Variants in KCNC2 observed in about 807,000 individuals in gnomAD.
KCNC2 encodes the protein voltage-gated potassium channel KCNC2.
In KCNC2, 21 loss-of-function variants were observed where a neutral mutation model predicts 44.5. The ratio of observed to expected loss-of-function variants is 0.47; its 90% confidence interval spans 0.33 to 0.68. The LOEUF is 0.68. Among genes scored for constraint, KCNC2 ranks in the 30% least tolerant of loss-of-function variants. The probability of loss-of-function intolerance (pLI) is 0.01; values close to 1 mark genes in which losing one functional copy is unlikely to be tolerated. For synonymous variants in KCNC2, 391 were observed against 339.1 expected, an observed-to-expected ratio of 1.15 and a Z score of -1.68; for missense variants, 589 against 826.2, an observed-to-expected ratio of 0.71 and a Z score of 3.52.
chr12:75,043,166 G>A lies in KCNC2; in HGVS notation c.1856C>T (p.Ser619Leu). ...CAGAGGACAAGGAGAGTTGTAGGGT[G>A]ATGTTACTGGAGAGAGCCTCAGAGC... ...GNALRLSPVT[S>L]PYNSPCPLRR... The change falls in exon 5 of 5, where the codon TCA (serine) becomes TTA (leucine). Residue 619 changes from serine to leucine, a missense_variant. By Grantham distance (145) the Ser-to-Leu change is moderately radical (BLOSUM62 -2). Coordinates refer to ENST00000549446, the MANE Select transcript of KCNC2 (RefSeq NM_139137.4). The A allele has an allele frequency of 6.2e-7, 1 of 1,612,556 alleles. No individual in the cohort carries two copies. Among genetic ancestry groups the A allele is most frequent in the East Asian group, 2.2e-5 (1 of 44,812 alleles).
At chr12:75,186,695 C>A (rs985796489) in intron 2 of KCNC2, among the ~76,000 whole-genome samples, 10 of 152,178 alleles carry the variant, frequency 6.6e-5, no homozygotes, top group African/African-American at 2.2e-4. Context: ...CAGCAGACTT[C>A]CCCTTGATTG....
chr12:75,093,136 C>A (rs571287947), intron 2 of KCNC2, among the ~76,000 whole-genome samples: 3 of 151,114 alleles, frequency 2.0e-5, no homozygotes, highest in African/African-American at 7.3e-5. Flanking sequence ...TTAATCAATT[C>A]ATGATTCATA....
At chr12:75,113,745 T>A (rs1234410606) in intron 2 of KCNC2, among the ~76,000 whole-genome samples, 1 of 152,050 alleles carries the variant, frequency 6.6e-6, no homozygotes, top group African/African-American at 2.4e-5. Flanking sequence ...AACAGGGGAG[T>A]AGAACCTCTT....
chr12:75,115,108 C>T (rs1887562244), intron 2 of KCNC2, among the ~76,000 whole-genome samples: 1 of 151,906 alleles, frequency 6.6e-6, no homozygotes, highest in African/African-American at 2.4e-5. Context: ...CGTGATCCAC[C>T]CGCCTGGGCC....
At chr12:75,192,601 C>T (rs1388635209) in intron 2 of KCNC2, among the ~76,000 whole-genome samples, 3 of 152,112 alleles carry the variant, frequency 2.0e-5, no homozygotes, top group Non-Finnish European at 1.5e-5. Flanking sequence ...GTCTAAAAAG[C>T]TTCTTATGGC....
chr12:75,084,257 T>C (rs1239388765), intron 2 of KCNC2, among the ~76,000 whole-genome samples: 1 of 97,598 alleles, frequency 1.0e-5, no homozygotes, highest in East Asian at 2.8e-4. Context: ...ATGATGATGA[T>C]AGATAGATAG....
rs12315332 is a variant in KCNC2, at chr12:75,041,027, G to A, written c.*2078C>T. 4,368 of 1,205,296 alleles carry A rather than the reference G, an allele frequency of 3.6e-3. 98 individuals carry two copies. The African/African-American group carries it at 0.051, about 14-fold the overall frequency. 74.7% of individuals were successfully genotyped at this position (1,205,296 alleles called of 1,614,324 possible). On this transcript the variant is annotated 3_prime_UTR_variant, in exon 5 of 5. Coordinates refer to ENST00000549446, the MANE Select transcript of KCNC2 (RefSeq NM_139137.4). ...GGGGAGCACCAGATGAGTTCCAGCCGCAGTTCTTTTATAAGCTTTAAGTGC... is the reference window on the plus strand; with the variant it reads ...GGGGAGCACCAGATGAGTTCCAGCCACAGTTCTTTTATAAGCTTTAAGTGC...
chr12:75,072,614 G>C (rs1883529527), intron 2 of KCNC2, among the ~76,000 whole-genome samples: 1 of 151,482 alleles, frequency 6.6e-6, no homozygotes, highest in Non-Finnish European at 1.5e-5. Context: ...AAAAGAAAAA[G>C]AAAAATCAAG....
chr12:75,129,025 T>A (rs1017876365), intron 2 of KCNC2, among the ~76,000 whole-genome samples: 8 of 152,194 alleles, frequency 5.3e-5, no homozygotes, highest in Non-Finnish European at 1.2e-4. Context: ...AAATAGCCAT[T>A]TAAAGCATGG....
intron 2 of KCNC2, among the ~76,000 whole-genome samples, chr12:75,113,350 T>G (rs1215030213): frequency 6.6e-6 from 1 of 152,164 alleles, no homozygotes; most frequent in Admixed American, 6.5e-5. Context: ...AAAGCTGAAT[T>G]CTCAACCTTG....
At chr12:75,165,757 A>T (rs1891407988) in intron 2 of KCNC2, among the ~76,000 whole-genome samples, 1 of 151,500 alleles carries the variant, frequency 6.6e-6, no homozygotes, top group Non-Finnish European at 1.5e-5. Flanking sequence ...TAAATTGTAT[A>T]TAGATGTTGA....
At position 75,050,382 on chromosome 12, in the gene KCNC2, T is replaced by C. The variant is rs898800620; in HGVS notation, c.1615+8A>G. On this transcript the variant is annotated splice_region_variant and intron_variant, in intron 3 of 4. Coordinates refer to ENST00000549446, the MANE Select transcript of KCNC2 (RefSeq NM_139137.4). The stretch of plus-strand genomic sequence containing the variant: ...ATTTAATAACATGCATTTGAAGTCC[T>C]GCCTTACCTGATCTGTTATGTTCCA... 6.3e-7 allele frequency: 1 copy of C among 1,586,230 alleles called. No homozygotes were observed. Among genetic ancestry groups the C allele is most frequent in the Admixed American group, 1.7e-5 (1 of 57,514 alleles).
intron 2 of KCNC2, among the ~76,000 whole-genome samples, chr12:75,058,420 G>C (rs1234404049): frequency 6.6e-6 from 1 of 151,842 alleles, no homozygotes; most frequent in Non-Finnish European, 1.5e-5. Context: ...TAGTGTTATA[G>C]AGTCACATTA....
chr12:75,208,149 G>T, intron 1 of KCNC2, 147 bp from the exon 2 acceptor site: 1 of 802,238 alleles, frequency 1.2e-6, no homozygotes, highest in South Asian at 1.8e-5. Context: ...GGGGATCAGC[G>T]TCCAGCGCTG....
Position 75,207,936 on chromosome 12 carries a change from G to A in KCNC2, c.48C>T (p.Gly16=), listed in dbSNP as rs1397601973. The stretch of plus-strand genomic sequence containing the variant: ...TGCTGCGGTAGGTTTCGTGCCGGGT[G>A]CCCCCGACATTGAGGATCACCCTCT... ...NNERVILNVG[G]TRHETYRSTL... The change falls in exon 2 of 5, where the codon GGC becomes GGT. Residue 16 remains glycine, a synonymous_variant. Coordinates refer to ENST00000549446, the MANE Select transcript of KCNC2 (RefSeq NM_139137.4). This position sits in a 1 kb window ranked among gnomAD's most constrained non-coding sequence, Gnocchi z 4.1. 1 of 1,612,746 alleles carries A rather than the reference G, an allele frequency of 6.2e-7. No homozygotes were observed.
At chr12:75,140,054 A>T (rs1045348921) in intron 2 of KCNC2, 23 of 152,174 alleles carry the variant, frequency 1.5e-4, no homozygotes, top group African/African-American at 4.3e-4. Flanking sequence ...TGCAATTTGG[A>T]CAGTGTTTAG....
chr12:75,053,498 A>T (rs560220494), intron 2 of KCNC2, among the ~76,000 whole-genome samples: 1 of 152,210 alleles, frequency 6.6e-6, no homozygotes, highest in South Asian at 2.1e-4. Context: ...CTAAGACACA[A>T]AACTTTGAAA....
At chr12:75,190,049 C>G (rs988857585) in intron 2 of KCNC2, among the ~76,000 whole-genome samples, 1 of 152,148 alleles carries the variant, frequency 6.6e-6, no homozygotes, top group Non-Finnish European at 1.5e-5. Flanking sequence ...AGAATGTTCA[C>G]TTTATGTCAG....
intron 2 of KCNC2, among the ~76,000 whole-genome samples, chr12:75,079,522 T>C (rs1335700932): frequency 6.6e-6 from 1 of 152,180 alleles, no homozygotes; most frequent in Non-Finnish European, 1.5e-5. Flanking sequence ...CTAGTATATT[T>C]GTGTATTTTA....
Sources: gnomAD v4.1 joint callset for allele counts (sites outside exome capture counted in the v4.1 genomes callset) on GRCh38, gnomAD v4.1.1 for gene constraint, Gnocchi (gnomAD v3.1) non-coding constraint, MANE v1.5 for transcripts, NCBI Gene and HGNC (gene_info 2026-07-23, HGNC 2026-07-21) for gene names.